The following ACVR1 variants were observed in gnomAD, a reference collection of about 807,000 sequenced individuals.
ACVR1 encodes activin A receptor type 1.
ACVR1 carries 38 observed loss-of-function variants against 57.1 expected under a neutral mutation model. The observed-to-expected ratio is 0.67, with a 90% CI of 0.51 to 0.87. The LOEUF (loss-of-function observed/expected upper bound fraction) is 0.87, where lower values mean the gene tolerates loss of function less well. Ranked by LOEUF, ACVR1 falls within the 40% of genes least tolerant of loss-of-function variation. ACVR1 has a pLI of 0.00. For synonymous variants in ACVR1, 212 were observed against 228.1 expected (o/e 0.93, Z 0.63); for missense variants, 463 against 638.2 (o/e 0.73, Z 2.96).
At chr2:157,846,716 G>A (rs555322753) in intron 1 of ACVR1, among the ~76,000 whole-genome samples, 61 of 152,224 alleles carry the variant, frequency 4.0e-4, no homozygotes, top group African/African-American at 1.4e-3. Flanking sequence ...GATACTTATA[G>A]GGATAAATAC....
intron 3 of ACVR1, 41 bp from the exon 4 acceptor site, chr2:157,780,641 G>T (rs1458269817): frequency 6.3e-7 from 1 of 1,598,378 alleles, no homozygotes; most frequent in Non-Finnish European, 8.5e-7. Context: ...AAAAAAAAGA[G>T]GAATTACCGT....
chr2:157,845,876 A>G (rs1356617163), intron 1 of ACVR1, among the ~76,000 whole-genome samples: 1 of 152,254 alleles, frequency 6.6e-6, no homozygotes, highest in Non-Finnish European at 1.5e-5. Context: ...TCAGCAAAGA[A>G]ATAAAATGTA....
chr2:157,866,253 G>C (rs929159047), intron 1 of ACVR1, among the ~76,000 whole-genome samples: 1 of 152,086 alleles, frequency 6.6e-6, no homozygotes, highest in Non-Finnish European at 1.5e-5. Flanking sequence ...ATGCCCTCCT[G>C]GAAGATTTCC....
At chr2:157,852,541 A>G (rs537887316) in intron 1 of ACVR1, among the ~76,000 whole-genome samples, 1 of 152,178 alleles carries the variant, frequency 6.6e-6, no homozygotes, top group Admixed American at 6.5e-5. Flanking sequence ...ACCTTGGAAA[A>G]AGAAAGGGAA....
chr2:157,840,675 G>A (rs1331018842), intron 1 of ACVR1, among the ~76,000 whole-genome samples: 2 of 152,226 alleles, frequency 1.3e-5, no homozygotes, highest in South Asian at 2.1e-4. Context: ...GTTAGCGAGT[G>A]GTCCATCAGC....
chr2:157,818,800 C>T lies in ACVR1; in HGVS notation c.-182-241G>A, dbSNP rs189603235. On this transcript the variant is annotated intron_variant, in intron 1 of 10. Transcript: ENST00000434821. Reference sequence around the variant, plus strand: ...AAACACAAAAACCAGTAAGATCGGCCGGGCGCGGTGGCTCACGCCTGTAAT... The same window carrying T: ...AAACACAAAAACCAGTAAGATCGGCTGGGCGCGGTGGCTCACGCCTGTAAT... Among the ~76,000 whole-genome samples the T allele has an allele frequency of 3.7e-3, 567 of 152,186 alleles. 3 individuals are homozygous for T. The highest frequency in any genetic ancestry group is 0.013 in the African/African-American group (531 of 41,532).
At chr2:157,761,769 G>A (rs73022048) in intron 8 of ACVR1, among the ~76,000 whole-genome samples, 415 of 152,244 alleles carry the variant, frequency 2.7e-3, no homozygotes, top group African/African-American at 9.5e-3. Flanking sequence ...TTCTTCACTG[G>A]CCAGTGGGGA....
intron 5 of ACVR1, 90 bp downstream of exon 5, chr2:157,778,041 C>G (rs1260623335): frequency 1.0e-5 from 14 of 1,345,988 alleles, no homozygotes; most frequent in Non-Finnish European, 1.5e-5. Flanking sequence ...TTCAGTCACT[C>G]ATTACTGGTT....
At chr2:157,780,176 C>A (rs1044438557) in intron 4 of ACVR1, among the ~76,000 whole-genome samples, 161 bp downstream of exon 4, 4 of 152,208 alleles carry the variant, frequency 2.6e-5, no homozygotes, top group Admixed American at 2.6e-4. Context: ...AAAGGCTGTT[C>A]CTTTCTCTTC....
At chr2:157,823,977 AGGCGTCAT>A (rs1315397332) in intron 1 of ACVR1, among the ~76,000 whole-genome samples, 2 of 152,188 alleles carry the variant, frequency 1.3e-5, no homozygotes, top group Non-Finnish European at 2.9e-5. Flanking sequence ...CCTGCAAAAC[AGGCGTCAT>A]GACTCCCTTG....
intron 8 of ACVR1, among the ~76,000 whole-genome samples, chr2:157,763,619 C>T (rs180957702): frequency 2.2e-4 from 33 of 152,160 alleles, no homozygotes; most frequent in Non-Finnish European, 4.6e-4. Flanking sequence ...TGTTTTGGAA[C>T]GCTGAGGCAG....
chr2:157,867,316 C>T (rs1177988222), intron 1 of ACVR1, among the ~76,000 whole-genome samples: 1 of 152,232 alleles, frequency 6.6e-6, no homozygotes, highest in African/African-American at 2.4e-5. Flanking sequence ...CTGGGCATCC[C>T]ACTCCACTAG....
intron 9 of ACVR1, among the ~76,000 whole-genome samples, chr2:157,759,963 T>C (rs889369881): frequency 6.6e-6 from 1 of 152,114 alleles, no homozygotes; most frequent in African/African-American, 2.4e-5. Flanking sequence ...ATAAGGGCCA[T>C]ATGCAACAAA....
rs1202043938 is a variant in ACVR1 at position 157,876,000 on chromosome 2, G to A, written c.-387C>T. 1.3e-5 allele frequency: 2 copies of A among 149,786 alleles called. No homozygotes were observed. Among genetic ancestry groups the A allele is most frequent in the African/African-American group, 2.5e-5 (1 of 40,668 alleles). The allele number at this position is 149,786 out of a possible 1,614,324, so 9.3% of individuals were successfully genotyped here. On this transcript the variant is annotated 5_prime_UTR_variant, in exon 1 of 11. Coordinates refer to ENST00000434821, the MANE Select transcript of ACVR1 (RefSeq NM_001111067.4). The stretch of plus-strand genomic sequence containing the variant: ...CGGCTGCGGTGGCTGCAGCGGAGCG[G>A]TGCGTGGGGCCGGGAGCTTCCCGGC...
intron 9 of ACVR1, among the ~76,000 whole-genome samples, chr2:157,742,150 T>C (rs1361126863): frequency 2.0e-5 from 3 of 152,088 alleles, no homozygotes; most frequent in African/African-American, 4.8e-5. Context: ...AAATGACTGA[T>C]TTACAACAGT....
intron 9 of ACVR1, among the ~76,000 whole-genome samples, chr2:157,759,243 T>C (rs1000980886): frequency 2.3e-4 from 35 of 151,950 alleles, no homozygotes; most frequent in African/African-American, 8.0e-4. Context: ...AACTGTTAAC[T>C]ACACTAACCA....
At chr2:157,825,697 C>T (rs1457987600) in intron 1 of ACVR1, among the ~76,000 whole-genome samples, 1 of 152,164 alleles carries the variant, frequency 6.6e-6, no homozygotes, top group Non-Finnish European at 1.5e-5. Context: ...CTACTCCATC[C>T]GTAGAAAAAA....
At chr2:157,849,909 G>C (rs1689238793) in intron 1 of ACVR1, among the ~76,000 whole-genome samples, 1 of 152,222 alleles carries the variant, frequency 6.6e-6, no homozygotes, top group Admixed American at 6.5e-5. Flanking sequence ...CTTTAAACCA[G>C]TAACATTTCT....
intron 8 of ACVR1, among the ~76,000 whole-genome samples, chr2:157,762,260 A>G (rs1685687881): frequency 6.6e-6 from 1 of 152,258 alleles, no homozygotes; most frequent in Non-Finnish European, 1.5e-5. Flanking sequence ...TGAGAGAGAT[A>G]CCATATTCAC....
Sources: allele counts gnomAD v4.1 joint callset (sites outside exome capture counted in the v4.1 genomes callset), GRCh38; gene constraint gnomAD v4.1.1; transcripts MANE v1.5; gene names NCBI Gene and HGNC (gene_info 2026-07-23, HGNC 2026-07-21).